TCF19: variants seen among roughly 807,000 people sequenced by gnomAD.
TCF19 encodes the protein transcription factor 19.
TCF19 carries 9 observed loss-of-function variants against 18.3 expected under a neutral mutation model. The observed-to-expected ratio is 0.49, with a 90% CI of 0.30 to 0.86. TCF19 has a LOEUF of 0.86. TCF19 is among the 40% of genes least tolerant of loss of function. The probability of loss-of-function intolerance (pLI) is 0.07; values close to 1 mark genes in which losing one functional copy is unlikely to be tolerated. For missense variants in TCF19, 376 were observed against 464.3 expected, an observed-to-expected ratio of 0.81 and a Z score of 1.75; for synonymous variants, 176 against 185.3, an observed-to-expected ratio of 0.95 and a Z score of 0.41.
Position 31,161,511 on chromosome 6 carries a change from C to G in TCF19, c.303C>G (p.Leu101=), listed in dbSNP as rs757921728. 6.5e-7 allele frequency: 1 copy of G among 1,538,408 alleles called. No homozygotes were observed. Among genetic ancestry groups the G allele is most frequent in the South Asian group, 1.3e-5 (1 of 77,704 alleles). The change falls in exon 3 of 4, where the codon CTC becomes CTG. Residue 101 remains leucine, a synonymous_variant. Transcript: ENST00000376257. The part of the protein sequence containing the change: ...GHRLELSDGD[L]LTFGPEGPPG... ...GGCTGGAATTGAGTGATGGAGACCT[C>G]CTGACCTTTGGCCCTGAAGGGCCCC...
chr6:31,159,641 G>A lies in TCF19; in HGVS notation c.172G>A (p.Ala58Thr), dbSNP rs1166658131. Residue 58 changes from alanine to threonine, a missense_variant, in exon 2 of 4, where the codon GCC becomes ACC. Transcript: ENST00000376257. Reference sequence around the variant, plus strand: ...GCCTGGCCTCATCTCTGGGATCCACGCCGAACTGCATGCCGAGCCCCGGGG... The same window carrying A: ...GCCTGGCCTCATCTCTGGGATCCACACCGAACTGCATGCCGAGCCCCGGGG... The part of the protein sequence containing the change: ...QEPGLISGIH[A>T]ELHAEPRGDD... The A allele has an allele frequency of 1.9e-6, 3 of 1,613,858 alleles. No homozygotes were observed. The highest frequency in any genetic ancestry group is 2.5e-6 in the Non-Finnish European group (3 of 1,180,048).
Position 31,162,046 on chromosome 6 carries a change from C to T in TCF19, c.797+41C>T, listed in dbSNP as rs759910345. 9.0e-6 allele frequency: 14 copies of T among 1,552,214 alleles called. No homozygotes were observed. The highest frequency in any genetic ancestry group is 1.2e-5 in the Non-Finnish European group (14 of 1,146,162). On this transcript the variant is annotated intron_variant, in intron 3 of 3. Transcript: ENST00000376257. The surrounding 1 kb of genome is among the most constrained non-coding windows in gnomAD (Gnocchi z 4.5). ...ACTTGGCCCTCTCAGTGTTTTACTG[C>T]TTTTCGATTCCTTGTATCCCTAGGC...
In TCF19 at chr6:31,163,646, G is replaced by A; in HGVS notation, c.*929G>A. ...CAGCAGAGGGCAACTGGGCTGGCCT[G>A]GTTCAGTGTGAATCAAACCGCTTAA... is the stretch of plus-strand genomic sequence containing the variant. On this transcript the variant is annotated 3_prime_UTR_variant, in exon 4 of 4. Coordinates refer to ENST00000376257, the MANE Select transcript of TCF19 (RefSeq NM_007109.3). 1 of 985,446 alleles carries A rather than the reference G, an allele frequency of 1.0e-6. No individual in the cohort carries two copies. Among genetic ancestry groups the A allele is most frequent in the Non-Finnish European group, 1.2e-6 (1 of 829,972 alleles). The allele number at this position is 985,446 out of a possible 1,614,324, so 61.0% of individuals were successfully genotyped here.
rs1336165130 is a variant in TCF19, at chr6:31,162,496, C to T, written c.817C>T (p.Arg273Trp). The T allele has an allele frequency of 6.2e-6, 10 of 1,610,710 alleles. No individual in the cohort carries two copies. Among genetic ancestry groups the T allele is most frequent in the African/African-American group, 5.4e-5 (4 of 74,752 alleles). Residue 273 changes from arginine to tryptophan, a missense_variant, in exon 4 of 4, where the codon CGG becomes TGG. By Grantham distance (101) the Arg-to-Trp change is moderately radical. Transcript: ENST00000376257. This position sits in a 1 kb window ranked among gnomAD's most constrained non-coding sequence, Gnocchi z 4.5. ...CTTCAGAAATCGACGTGGCCGTCCTCGGAAGTACCCAGTGAGCGCTCCCAT... is the reference window on the plus strand; with the variant it reads ...CTTCAGAAATCGACGTGGCCGTCCTTGGAAGTACCCAGTGAGCGCTCCCAT... Reference protein sequence around the residue: ...TPTGNRRGRPRKYPVSAPMAP... With the variant: ...TPTGNRRGRPWKYPVSAPMAP...
At position 31,160,786 on chromosome 6, in the gene TCF19, C is replaced by T. The variant is rs538590529; in HGVS notation, c.239-661C>T. On this transcript the variant is annotated intron_variant, in intron 2 of 3. Coordinates refer to ENST00000376257, the MANE Select transcript of TCF19 (RefSeq NM_007109.3). Reference sequence around the variant, plus strand: ...ACAAACAAACAAACAAAAAGCTTGCCCAGGGTCACATAACTGGTAAGTGGT... The same window carrying T: ...ACAAACAAACAAACAAAAAGCTTGCTCAGGGTCACATAACTGGTAAGTGGT... Among the ~76,000 whole-genome samples the T allele has an allele frequency of 4.6e-5, 7 of 151,138 alleles. No individual in the cohort carries two copies. In the East Asian group the frequency reaches 1.2e-3, roughly 26 times the overall value.
intron 2 of TCF19, among the ~76,000 whole-genome samples, chr6:31,161,186 A>G (rs375619770): frequency 1.4e-5 from 2 of 147,012 alleles, no homozygotes; most frequent in Non-Finnish European, 3.0e-5. Context: ...AGAAAAAAAA[A>G]GAAGAAAGAA....
At chr6:31,159,758 T>C (rs185204352) in intron 2 of TCF19, 51 bp downstream of exon 2, 1 of 1,590,788 alleles carries the variant, frequency 6.3e-7, no homozygotes, top group African/African-American at 1.3e-5. Flanking sequence ...AGCGCCAGGC[T>C]GGAATGAGTA....
In TCF19 at chr6:31,159,558, C is replaced by T. The variant is rs560069445; in HGVS notation, c.89C>T (p.Thr30Ile). The T allele has an allele frequency of 4.3e-6, 7 of 1,611,246 alleles. No homozygotes were observed. The highest frequency in any genetic ancestry group is 2.7e-5 in the African/African-American group (2 of 75,030). Reference protein sequence around the residue: ...TFHPPAGAGCTYRLGHRADLC... With the variant: ...TFHPPAGAGCIYRLGHRADLC... ...CACCCCCCCGCCGGGGCTGGCTGCA[C>T]CTATCGCTTGGGCCACAGGGCCGAC... Residue 30 changes from threonine to isoleucine, a missense_variant, in exon 2 of 4, where the codon ACC (threonine) becomes ATC (isoleucine). Transcript: ENST00000376257.
At position 31,159,661 on chromosome 6, in the gene TCF19, C is replaced by A. The variant is rs900526702; in HGVS notation, c.192C>A (p.Pro64=). The change falls in exon 2 of 4, where the codon CCC becomes CCA. Residue 64 remains proline, a synonymous_variant. Coordinates refer to ENST00000376257, the MANE Select transcript of TCF19 (RefSeq NM_007109.3). ...SGIHAELHAE[P]RGDDWRVSLE... ...TCCACGCCGAACTGCATGCCGAGCC[C>A]CGGGGTGATGACTGGAGGGTCAGCC... 1.9e-6 allele frequency: 3 copies of A among 1,613,972 alleles called. No homozygotes were observed. Among genetic ancestry groups the A allele is most frequent in the African/African-American group, 1.3e-5 (1 of 74,942 alleles).
chr6:31,161,346 T>C, intron 2 of TCF19, 101 bp from the exon 3 acceptor site: 1 of 1,011,176 alleles, frequency 9.9e-7, no homozygotes, highest in Non-Finnish European at 1.4e-6. Flanking sequence ...CTGACTACAG[T>C]TTCATATTCT....
Position 31,162,680 on chromosome 6 carries a change from T to A in TCF19, c.1001T>A (p.Phe334Tyr). ...ATCCAGGCTGCCAGGGAGGCCGACT[T>A]CCGATGCCCAGGGTGCCGGGCTGGC... Reference protein sequence around the residue: ...CSIQAAREADFRCPGCRAGIQ... With the variant: ...CSIQAAREADYRCPGCRAGIQ... The change falls in exon 4 of 4, where the codon TTC (phenylalanine) becomes TAC (tyrosine). Residue 334 changes from phenylalanine (F) to tyrosine (Y), a missense_variant. Transcript: ENST00000376257. This position sits in a 1 kb window ranked among gnomAD's most constrained non-coding sequence, Gnocchi z 4.5. 1.2e-6 allele frequency: 2 copies of A among 1,612,506 alleles called. No individual in the cohort carries two copies. Among genetic ancestry groups the A allele is most frequent in the South Asian group, 2.2e-5 (2 of 91,076 alleles).
rs183609284 is a variant in TCF19 at position 31,163,922 on chromosome 6, G to A, written c.*1205G>A. On this transcript the variant is annotated 3_prime_UTR_variant, in exon 4 of 4. Coordinates refer to ENST00000376257, the MANE Select transcript of TCF19 (RefSeq NM_007109.3). ...CTTGAGTAACTAATGAGTCACTTAT[G>A]GGCAGAGTATGCAAAAACCTTAAGT... 247 of 985,850 alleles carry A rather than the reference G, an allele frequency of 2.5e-4. 6 individuals carry two copies. In the East Asian group the frequency reaches 0.014, roughly 57 times the overall value. 61.1% of individuals were successfully genotyped at this position (985,850 alleles called of 1,614,324 possible). A position where few individuals can be genotyped will look rare whatever the true frequency, so the allele number is the denominator to read the frequency against.
rs1776799256 is a variant in TCF19 at position 31,161,797 on chromosome 6, G to T, written c.589G>T (p.Gly197Cys). 1.2e-6 allele frequency: 2 copies of T among 1,610,458 alleles called. No homozygotes were observed. Reference sequence around the variant, plus strand: ...GCCCCTCACCTTCTCCCCTAGTTGGGGTGGACCAAAGAGCCTGCCTGTTCC... The same window carrying T: ...GCCCCTCACCTTCTCCCCTAGTTGGTGTGGACCAAAGAGCCTGCCTGTTCC... ...PQPLTFSPSW[G>C]GPKSLPVPAP... Residue 197 changes from glycine (G) to cysteine (C), a missense_variant, in exon 3 of 4, where the codon GGT (glycine) becomes TGT (cysteine). Gly to Cys is a radical substitution (Grantham distance 159, BLOSUM62 -3). Transcript: ENST00000376257.
In TCF19 at chr6:31,159,586, G is replaced by C; in HGVS notation, c.117G>C (p.Leu39=). The change falls in exon 2 of 4, where the codon CTG becomes CTC. Residue 39 remains leucine, a synonymous_variant. Coordinates refer to ENST00000376257, the MANE Select transcript of TCF19 (RefSeq NM_007109.3). ...CTYRLGHRAD[L]CDVALRPQQE... ...ATCGCTTGGGCCACAGGGCCGACCT[G>C]TGTGATGTGGCCCTGCGGCCCCAGC... 1 of 1,613,038 alleles carries C rather than the reference G, an allele frequency of 6.2e-7. No individual in the cohort carries two copies. The highest frequency in any genetic ancestry group is 8.5e-7 in the Non-Finnish European group (1 of 1,179,988).
In TCF19 at chr6:31,164,117, C is replaced by CA. The variant is rs577901526; in HGVS notation, c.*1401dup. 1.5e-4 allele frequency: 162 copies of CA among 1,061,514 alleles called. 2 individuals carry two copies. The African/African-American group carries it at 2.6e-3, about 17-fold the overall frequency. The allele number at this position is 1,061,514 out of a possible 1,614,324, so 65.8% of individuals were successfully genotyped here. A position where few individuals can be genotyped will look rare whatever the true frequency, so the allele number is the denominator to read the frequency against. Reference sequence around the variant, plus strand: ...GCCAGCTCTGAACAGGTAACAGCTACATGGTGACTGAGTCTATGGGCAAAA... The same window carrying CA: ...GCCAGCTCTGAACAGGTAACAGCTACAATGGTGACTGAGTCTATGGGCAAAA... On this transcript the variant is annotated 3_prime_UTR_variant, in exon 4 of 4. Coordinates refer to ENST00000376257, the MANE Select transcript of TCF19 (RefSeq NM_007109.3).
At chr6:31,160,494 G>A (rs1281214701) in intron 2 of TCF19, among the ~76,000 whole-genome samples, 2 of 151,792 alleles carry the variant, frequency 1.3e-5, no homozygotes, top group Admixed American at 6.6e-5. Flanking sequence ...GGTGGCTCAC[G>A]CCTGTAATCC....
At position 31,163,515 on chromosome 6, in the gene TCF19, T is replaced by A. The variant is rs1776941690; in HGVS notation, c.*798T>A. 1.0e-6 allele frequency: 1 copy of A among 985,356 alleles called. No homozygotes were observed. Among genetic ancestry groups the A allele is most frequent in the Non-Finnish European group, 1.2e-6 (1 of 829,952 alleles). 61.0% of individuals were successfully genotyped at this position (985,356 alleles called of 1,614,324 possible). On this transcript the variant is annotated 3_prime_UTR_variant, in exon 4 of 4. Coordinates refer to ENST00000376257, the MANE Select transcript of TCF19 (RefSeq NM_007109.3). ...TTCACAAAGATAGCAGAAGATTTAT[T>A]TACAGGCTTCACCTGTACTGTCAGG...
rs988056195 is a variant in TCF19 at position 31,163,341 on chromosome 6, AG to A, written c.*628del. The A allele has an allele frequency of 2.2e-4, 217 of 985,992 alleles. No homozygotes were observed. In the Middle Eastern group the frequency reaches 4.7e-3, roughly 21 times the overall value. The allele number at this position is 985,992 out of a possible 1,614,324, so 61.1% of individuals were successfully genotyped here. A position where few individuals can be genotyped will look rare whatever the true frequency, so the allele number is the denominator to read the frequency against. ...AGAACTAATTCAGAATCTTAGGGGA[AG>A]GGGAGAGATGGAAATACAAACCTGC... On this transcript the variant is annotated 3_prime_UTR_variant, in exon 4 of 4. Coordinates refer to ENST00000376257, the MANE Select transcript of TCF19 (RefSeq NM_007109.3).
Position 31,162,790 on chromosome 6 carries a change from A to C in TCF19, c.*73A>C, listed in dbSNP as rs1776889029. 1.3e-6 allele frequency: 2 copies of C among 1,555,200 alleles called. No individual in the cohort carries two copies. Among genetic ancestry groups the C allele is most frequent in the South Asian group, 2.4e-5 (2 of 83,300 alleles). On this transcript the variant is annotated 3_prime_UTR_variant, in exon 4 of 4. Transcript: ENST00000376257. This position sits in a 1 kb window ranked among gnomAD's most constrained non-coding sequence, Gnocchi z 4.5. Reference sequence around the variant, plus strand: ...CAGCAGCGAGCAAATAGGTCTGATAAATACCCCCCTTCCCTTCCCTCCCCA... The same window carrying C: ...CAGCAGCGAGCAAATAGGTCTGATACATACCCCCCTTCCCTTCCCTCCCCA...
Sources: allele counts gnomAD v4.1 joint callset (sites outside exome capture counted in the v4.1 genomes callset), GRCh38; gene constraint gnomAD v4.1.1; non-coding constraint Gnocchi (gnomAD v3.1); transcripts MANE v1.5; gene names NCBI Gene and HGNC (gene_info 2026-07-23, HGNC 2026-07-21).